Variants in SCAPER observed in about 807,000 individuals in gnomAD.
SCAPER encodes S-phase cyclin A associated protein in the ER.
In SCAPER, 98 loss-of-function variants were observed where a neutral mutation model predicts 182.2. That is an observed-to-expected ratio of 0.54 (90% CI 0.46 to 0.64). The LOEUF is 0.64. Among genes scored for constraint, SCAPER ranks in the 30% least tolerant of loss-of-function variants. The pLI, the probability that SCAPER is intolerant of heterozygous loss-of-function variation, is 0.00. For synonymous variants in SCAPER, 605 were observed against 564.6 expected (o/e 1.07, Z -1.01); for missense variants, 1,432 against 1,690.0 (o/e 0.85, Z 2.68).
chr15:76,796,290 T>G (rs2065323060), intron 7 of SCAPER, among the ~76,000 whole-genome samples: 1 of 152,166 alleles, frequency 6.6e-6, no homozygotes, highest in African/African-American at 2.4e-5. Flanking sequence ...TTCCCCAAAT[T>G]TTTATAGTTA....
chr15:76,895,284 T>C (rs181189072), intron 1 of SCAPER, among the ~76,000 whole-genome samples: 2 of 152,254 alleles, frequency 1.3e-5, no homozygotes, highest in East Asian at 1.9e-4. Flanking sequence ...GAAAATCATA[T>C]GATCATCTCA....
At chr15:76,423,778 C>A (rs986123267) in intron 26 of SCAPER, among the ~76,000 whole-genome samples, 1 of 152,198 alleles carries the variant, frequency 6.6e-6, no homozygotes, top group Non-Finnish European at 1.5e-5. Flanking sequence ...TTTCCCTCTA[C>A]ACACTGCTTT....
chr15:76,502,393 T>C (rs2041206261), intron 24 of SCAPER, among the ~76,000 whole-genome samples: 1 of 152,070 alleles, frequency 6.6e-6, no homozygotes, highest in Non-Finnish European at 1.5e-5. Flanking sequence ...TATGCAGCCA[T>C]AAAAAAGGAT....
intron 29 of SCAPER, among the ~76,000 whole-genome samples, chr15:76,368,504 A>T (rs1360122556): frequency 2.6e-5 from 4 of 152,260 alleles, no homozygotes; most frequent in African/African-American, 9.6e-5. Flanking sequence ...CATGGCATGC[A>T]GCTCAGGCAG....
intron 17 of SCAPER, among the ~76,000 whole-genome samples, chr15:76,725,634 A>G (rs1405029184): frequency 6.6e-6 from 1 of 152,142 alleles, no homozygotes; most frequent in Non-Finnish European, 1.5e-5. Context: ...GGACTACCAT[A>G]AAAACAGACA....
intron 22 of SCAPER, among the ~76,000 whole-genome samples, chr15:76,598,251 T>C (rs1365860510): frequency 8.2e-6 from 1 of 122,058 alleles, no homozygotes; most frequent in Non-Finnish European, 2.0e-5. Context: ...CACAATGAGA[T>C]ACCGTCTCAC....
chr15:76,450,952 C>A (rs1175210296), intron 25 of SCAPER, among the ~76,000 whole-genome samples: 1 of 152,148 alleles, frequency 6.6e-6, no homozygotes, highest in African/African-American at 2.4e-5. Flanking sequence ...ATGTAAGAAC[C>A]ATCATAATCA....
chr15:76,474,427 T>C lies in SCAPER; in HGVS notation c.2955-3092A>G, dbSNP rs545172605. Among the ~76,000 whole-genome samples the C allele has an allele frequency of 2.0e-3, 302 of 152,274 alleles. 1 individual carries two copies. The highest frequency in any genetic ancestry group is 4.1e-3 in the South Asian group (20 of 4,832). Reference sequence around the variant, plus strand: ...GCTGTATACTGCTTCACATAACTGATAGGTTCCTGAAAAAAGGGCACAGTA... The same window carrying C: ...GCTGTATACTGCTTCACATAACTGACAGGTTCCTGAAAAAAGGGCACAGTA... On this transcript the variant is annotated intron_variant, in intron 24 of 31. Coordinates refer to ENST00000563290, the MANE Select transcript of SCAPER (RefSeq NM_020843.4).
At chr15:76,373,268 C>T (rs1351346805) in intron 29 of SCAPER, among the ~76,000 whole-genome samples, 1 of 151,936 alleles carries the variant, frequency 6.6e-6, no homozygotes, top group Admixed American at 6.6e-5. Flanking sequence ...GGCTGGTCTC[C>T]AACTCCTGAC....
intron 2 of SCAPER, among the ~76,000 whole-genome samples, chr15:76,880,698 T>C (rs547323261): frequency 1.2e-3 from 177 of 151,152 alleles, no homozygotes; most frequent in African/African-American, 4.1e-3. Context: ...TCTAACACTC[T>C]AGGATATATT....
chr15:76,386,422 G>C (rs564804972), intron 27 of SCAPER, among the ~76,000 whole-genome samples: 2 of 152,170 alleles, frequency 1.3e-5, no homozygotes, highest in Non-Finnish European at 2.9e-5. Flanking sequence ...CTAGGACCTG[G>C]AGTTCAGCAG....
At chr15:76,489,026 T>C (rs1431022258) in intron 24 of SCAPER, among the ~76,000 whole-genome samples, 1 of 151,116 alleles carries the variant, frequency 6.6e-6, no homozygotes, top group East Asian at 2.0e-4. Flanking sequence ...CCCAGCCATC[T>C]TGCCTTTTAT....
In SCAPER at chr15:76,765,285, T is replaced by C. The variant is rs538310635; in HGVS notation, c.1613+52A>G. On this transcript the variant is annotated intron_variant, in intron 13 of 31. Coordinates refer to ENST00000563290, the MANE Select transcript of SCAPER (RefSeq NM_020843.4). Reference sequence around the variant, plus strand: ...AGCAATTTTATTTAACAGTCAAGAGTGGCTAGTTTCCTTGCTGTGAACCAT... The same window carrying C: ...AGCAATTTTATTTAACAGTCAAGAGCGGCTAGTTTCCTTGCTGTGAACCAT... 2.9e-6 allele frequency: 4 copies of C among 1,393,646 alleles called. No individual in the cohort carries two copies. In the South Asian group the frequency reaches 4.9e-5, roughly 17 times the overall value. The allele number at this position is 1,393,646 out of a possible 1,614,324, so 86.3% of individuals were successfully genotyped here. A position where few individuals can be genotyped will look rare whatever the true frequency, so the allele number is the denominator to read the frequency against.
At chr15:76,513,770 C>T (rs981164718) in intron 23 of SCAPER, among the ~76,000 whole-genome samples, 6 of 152,194 alleles carry the variant, frequency 3.9e-5, no homozygotes, top group Non-Finnish European at 7.4e-5. Context: ...AAAGCAAGTA[C>T]ACTAAAAATC....
At chr15:76,733,447 A>G in intron 15 of SCAPER, 63 bp from the exon 16 acceptor site, 1 of 1,554,934 alleles carries the variant, frequency 6.4e-7, no homozygotes, top group Non-Finnish European at 8.7e-7. Flanking sequence ...TTACAAAAAT[A>G]AGAAATCTAA....
intron 20 of SCAPER, 95 bp from the exon 21 acceptor site, chr15:76,665,884 T>C: frequency 1.8e-6 from 2 of 1,097,076 alleles, no homozygotes; most frequent in Non-Finnish European, 2.5e-6. Context: ...AGACATTTGA[T>C]GAAACTAAAA....
At chr15:76,480,735 T>C (rs2051045158) in intron 24 of SCAPER, among the ~76,000 whole-genome samples, 2 of 152,144 alleles carry the variant, frequency 1.3e-5, no homozygotes, top group African/African-American at 4.8e-5. Flanking sequence ...TCCACTATTC[T>C]ACTTTTTTTT....
At chr15:76,903,826 T>G (rs2074929095) in intron 1 of SCAPER, among the ~76,000 whole-genome samples, 1 of 152,144 alleles carries the variant, frequency 6.6e-6, no homozygotes, top group Non-Finnish European at 1.5e-5. Context: ...GACACCTAAT[T>G]TATTACTATC....
intron 5 of SCAPER, among the ~76,000 whole-genome samples, chr15:76,813,227 T>TAAAAAAAAAAAAAAAAA (rs746891532): frequency 3.5e-4 from 6 of 17,262 alleles, no homozygotes; most frequent in South Asian, 4.2e-3. Context: ...ATCCTTTCAC[T>TAAAAAAAAAAAAAAAAA]AAAAAAAAAA....
Sources: gnomAD v4.1 joint callset for allele counts (sites outside exome capture counted in the v4.1 genomes callset) on GRCh38, gnomAD v4.1.1 for gene constraint, MANE v1.5 for transcripts, NCBI Gene and HGNC (gene_info 2026-07-23, HGNC 2026-07-21) for gene names.